Variants in PCDHGB6 observed in about 807,000 individuals in gnomAD.
PCDHGB6 encodes protocadherin gamma subfamily B, 6.
A neutral mutation model predicts 59.1 loss-of-function variants in PCDHGB6; 51 were observed. That is an observed-to-expected ratio of 0.86 (90% CI 0.69 to 1.09). The LOEUF (loss-of-function observed/expected upper bound fraction) is 1.09, where lower values mean the gene tolerates loss of function less well. PCDHGB6 is among the 50% of genes least tolerant of loss of function. PCDHGB6 has a pLI of 0.00. For synonymous variants in PCDHGB6, 466 were observed against 495.1 expected (o/e 0.94, Z 0.78); for missense variants, 1,148 against 1,205.1 (o/e 0.95, Z 0.70).
rs141095222 is a variant in PCDHGB6, at chr5:141,496,668, C to T, written c.2477+1803C>T. Reference sequence around the variant, plus strand: ...CCCTTCCTTTGACCCCAGCTGTTGTCCTTCTCCCTGCTGGCCTTGCCAACC... The same window carrying T: ...CCCTTCCTTTGACCCCAGCTGTTGTTCTTCTCCCTGCTGGCCTTGCCAACC... On this transcript the variant is annotated intron_variant, in intron 2 of 3. Coordinates refer to ENST00000520790, the MANE Select transcript of PCDHGB6 (RefSeq NM_018926.3). Among the ~76,000 whole-genome samples the T allele has an allele frequency of 1.3e-3, 204 of 152,328 alleles. 1 individual carries two copies. The highest frequency in any genetic ancestry group is 5.6e-3 in the Admixed American group (85 of 15,298).
intron 1 of PCDHGB6, chr5:141,410,849 C>CTTTTTTTTTTTTTTGTTTTTTTT (rs2095434772): frequency 7.7e-6 from 1 of 129,786 alleles, no homozygotes; most frequent in Admixed American, 1.1e-4. Flanking sequence ...TTGTCTTTGT[C>CTTTTTTTTTTTTTTGTTTTTTTT]TTTTTTTTTT....
At position 141,486,706 on chromosome 5, in the gene PCDHGB6, C is replaced by G; in HGVS notation, c.2419-8101C>G. 6.2e-7 allele frequency: 1 copy of G among 1,614,154 alleles called. No homozygotes were observed. Among genetic ancestry groups the G allele is most frequent in the Non-Finnish European group, 8.5e-7 (1 of 1,180,024 alleles). ...CAGCTTCCTCTTTCATCTCTCTGAA[C>G]CCCCAGACAGGAGCTGTTCATGCTA... On this transcript the variant is annotated intron_variant, in intron 1 of 3. Coordinates refer to ENST00000520790, the MANE Select transcript of PCDHGB6 (RefSeq NM_018926.3). This position sits in a 1 kb window ranked among gnomAD's most constrained non-coding sequence, Gnocchi z 5.0.
intron 1 of PCDHGB6, among the ~76,000 whole-genome samples, chr5:141,483,255 G>T (rs1383670642): frequency 1.3e-5 from 2 of 152,030 alleles, no homozygotes; most frequent in African/African-American, 2.4e-5. Context: ...ATATCATGAG[G>T]TTTTTTTGTT....
intron 1 of PCDHGB6, among the ~76,000 whole-genome samples, chr5:141,447,600 T>G (rs769487703): frequency 6.6e-6 from 1 of 151,992 alleles, no homozygotes; most frequent in Non-Finnish European, 1.5e-5. Flanking sequence ...TCCTATAGAG[T>G]CCTTAGCATT....
intron 1 of PCDHGB6, chr5:141,419,487 G>T: frequency 6.2e-7 from 1 of 1,612,378 alleles, no homozygotes. Context: ...CCCGCGCTCA[G>T]CGCCAATGTG....
At chr5:141,446,657 A>G (rs2098510367) in intron 1 of PCDHGB6, among the ~76,000 whole-genome samples, 1 of 152,092 alleles carries the variant, frequency 6.6e-6, no homozygotes, top group African/African-American at 2.4e-5. Context: ...TTGTATTTTT[A>G]GTACAAGACA....
rs2154573815 is a variant in PCDHGB6 at position 141,475,798 on chromosome 5, CAAAGG to C, written c.2419-19004_2419-19000del. ...TTGGCTGGAAACTCTGGAAGGAAGC[CAAAGG>C]AAAGTGAAGTTCCTGGCGCTAGCGC... On this transcript the variant is annotated intron_variant, in intron 1 of 3. Coordinates refer to ENST00000520790, the MANE Select transcript of PCDHGB6 (RefSeq NM_018926.3). The C allele has an allele frequency of 9.7e-6, 3 of 309,052 alleles. No homozygotes were observed. The South Asian group carries it at 2.0e-4, about 21-fold the overall frequency. 19.1% of individuals were successfully genotyped at this position (309,052 alleles called of 1,614,324 possible).
chr5:141,451,408 T>C (rs1244686397), intron 1 of PCDHGB6, among the ~76,000 whole-genome samples: 1 of 152,204 alleles, frequency 6.6e-6, no homozygotes, highest in Non-Finnish European at 1.5e-5. Flanking sequence ...ATTAAGTTCC[T>C]TGTGGATTGT....
chr5:141,504,228 C>T lies in PCDHGB6; in HGVS notation c.2478-1165C>T, dbSNP rs114896014. Among the ~76,000 whole-genome samples, 193 of 152,312 alleles carry T rather than the reference C, an allele frequency of 1.3e-3. 1 individual carries two copies. The highest frequency in any genetic ancestry group is 2.1e-3 in the Admixed American group (32 of 15,304). ...AAAATTCCAAGTAGAGCTGAACCTT[C>T]TAAGAAGCAGAGAGTTCTTCTTATG... On this transcript the variant is annotated intron_variant, in intron 2 of 3. Coordinates refer to ENST00000520790, the MANE Select transcript of PCDHGB6 (RefSeq NM_018926.3).
chr5:141,492,398 C>T (rs1347317333), intron 1 of PCDHGB6, among the ~76,000 whole-genome samples: 2 of 152,244 alleles, frequency 1.3e-5, no homozygotes, highest in Non-Finnish European at 1.5e-5. Flanking sequence ...CCACTCGCAG[C>T]TCCCCTCTGC....
At position 141,409,858 on chromosome 5, in the gene PCDHGB6, G is replaced by A; in HGVS notation, c.1656G>A (p.Val552=). 2 of 1,612,340 alleles carry A rather than the reference G, an allele frequency of 1.2e-6. No homozygotes were observed. Among genetic ancestry groups the A allele is most frequent in the Non-Finnish European group, 1.7e-6 (2 of 1,179,390 alleles). ...CCAACGTGAGCCTGCGCGTGTTGGTGGGAGACCGCAATGACAACGCACCGC... is the reference window on the plus strand; with the variant it reads ...CCAACGTGAGCCTGCGCGTGTTGGTAGGAGACCGCAATGACAACGCACCGC... The part of the protein sequence containing the change: ...LSANVSLRVL[V]GDRNDNAPRV... Residue 552 remains valine (V), a synonymous_variant, in exon 1 of 4, where the codon GTG becomes GTA. Transcript: ENST00000520790.
At position 141,490,788 on chromosome 5, in the gene PCDHGB6, C is replaced by G. The variant is rs2099704332; in HGVS notation, c.2419-4019C>G. ...ATGTCAACCCAGAGGATGGACGGAT[C>G]TTTGCCCAGCGTACCTTTGACTATG... On this transcript the variant is annotated intron_variant, in intron 1 of 3. Coordinates refer to ENST00000520790, the MANE Select transcript of PCDHGB6 (RefSeq NM_018926.3). The surrounding 1 kb of genome is among the most constrained non-coding windows in gnomAD (Gnocchi z 5.4). 6.2e-7 allele frequency: 1 copy of G among 1,613,918 alleles called. No homozygotes were observed. The highest frequency in any genetic ancestry group is 1.1e-5 in the South Asian group (1 of 91,084).
At chr5:141,414,342 C>A in intron 1 of PCDHGB6, 2 of 1,613,810 alleles carry the variant, frequency 1.2e-6, no homozygotes, top group East Asian at 2.2e-5. Flanking sequence ...TAACCTGTTC[C>A]ATTTTGGCGT....
Position 141,476,562 on chromosome 5 carries a change from C to G in PCDHGB6, c.2419-18245C>G. 1 of 1,614,218 alleles carries G rather than the reference C, an allele frequency of 6.2e-7. No individual in the cohort carries two copies. The highest frequency in any genetic ancestry group is 1.1e-5 in the South Asian group (1 of 91,088). On this transcript the variant is annotated intron_variant, in intron 1 of 3. Transcript: ENST00000520790. This position sits in a 1 kb window ranked among gnomAD's most constrained non-coding sequence, Gnocchi z 7.6. The stretch of plus-strand genomic sequence containing the variant: ...AAATTGGAGATTAGCGAGGCCGTGG[C>G]TCCGGGGACGCGCTTTCCGCTCGAG...
At chr5:141,418,641 T>C in intron 1 of PCDHGB6, 3 of 1,614,028 alleles carry the variant, frequency 1.9e-6, no homozygotes, top group Non-Finnish European at 2.5e-6. Flanking sequence ...GGCACCTCCA[T>C]CCTGAGAGTG....
chr5:141,445,302 A>C (rs2098462947), intron 1 of PCDHGB6, among the ~76,000 whole-genome samples: 1 of 152,220 alleles, frequency 6.6e-6, no homozygotes, highest in African/African-American at 2.4e-5. Flanking sequence ...CATTCTCTTC[A>C]GTTTGTAGGT....
At position 141,408,114 on chromosome 5, in the gene PCDHGB6, C is replaced by G; in HGVS notation, c.-89C>G. The G allele has an allele frequency of 6.8e-7, 1 of 1,461,086 alleles. No individual in the cohort carries two copies. The highest frequency in any genetic ancestry group is 2.5e-5 in the East Asian group (1 of 40,248). The allele number at this position is 1,461,086 out of a possible 1,614,324, so 90.5% of individuals were successfully genotyped here. A position where few individuals can be genotyped will look rare whatever the true frequency, so the allele number is the denominator to read the frequency against. On this transcript the variant is annotated 5_prime_UTR_variant, in exon 1 of 4. Coordinates refer to ENST00000520790, the MANE Select transcript of PCDHGB6 (RefSeq NM_018926.3). ...GCCAGCTCCGAGACCCGGGACTCCT[C>G]CTGTCCTGGGCCGAATGCTCTTTTA...
chr5:141,410,817 A>T, intron 1 of PCDHGB6, 197 bp downstream of exon 1: 1 of 524,252 alleles, frequency 1.9e-6, no homozygotes, highest in Non-Finnish European at 3.1e-6. Context: ...TTGTAAAATA[A>T]TGTCACCAGA....
At chr5:141,417,798 C>T in intron 1 of PCDHGB6, 2 of 1,486,472 alleles carry the variant, frequency 1.3e-6, no homozygotes, top group Non-Finnish European at 1.8e-6. Context: ...GCTCTTTTAG[C>T]GCGGTAGAGT....
Sources: gnomAD v4.1 joint callset for allele counts (sites outside exome capture counted in the v4.1 genomes callset) on GRCh38, gnomAD v4.1.1 for gene constraint, Gnocchi (gnomAD v3.1) non-coding constraint, MANE v1.5 for transcripts, NCBI Gene and HGNC (gene_info 2026-07-23, HGNC 2026-07-21) for gene names.